PNN: variants seen among roughly 807,000 people sequenced by gnomAD.
PNN encodes the protein pinin.
Under a neutral mutation model 76.6 loss-of-function variants are expected in PNN, and 38 were observed. The ratio of observed to expected loss-of-function variants is 0.50; its 90% CI spans 0.38 to 0.65. PNN has a LOEUF of 0.65. Among genes scored for constraint, PNN ranks in the 30% least tolerant of loss-of-function variants. The pLI is 0.00. For synonymous variants in PNN, 366 were observed against 283.7 expected (o/e 1.29, Z -2.91); for missense variants, 873 against 874.1 (o/e 1.00, Z 0.02).
At chr14:39,176,490 A>G (rs1267027670) in intron 2 of PNN, 37 bp from the exon 3 acceptor site, 3 of 1,420,048 alleles carry the variant, frequency 2.1e-6, no homozygotes, top group Non-Finnish European at 3.0e-6. Flanking sequence ...TTTATCTTGT[A>G]TTTCAAGTGT....
At position 39,177,832 on chromosome 14, in the gene PNN, G is replaced by GT. The variant is rs759396856; in HGVS notation, c.423-7dup. ...TGTTGACAGTAAATTTTCTTATTCT[G>GT]TTCTTTAGGAACCGGCGAATATTTG... On this transcript the variant is annotated splice_polypyrimidine_tract_variant and intron_variant, in intron 5 of 8. Coordinates refer to ENST00000216832, the MANE Select transcript of PNN (RefSeq NM_002687.4). The GT allele has an allele frequency of 1.2e-6, 2 of 1,604,306 alleles. No individual in the cohort carries two copies. The highest frequency in any genetic ancestry group is 3.3e-5 in the Admixed American group (2 of 59,890).
In PNN at chr14:39,181,509, T is replaced by C; in HGVS notation, c.1800T>C (p.Ser600=). ...GTGGAAGTAGTTCCAGCAGTGGAAGTAGTAGCAGTCGCAGTAGTTCCAGTA... is the reference window on the plus strand; with the variant it reads ...GTGGAAGTAGTTCCAGCAGTGGAAGCAGTAGCAGTCGCAGTAGTTCCAGTA... ...SSSGSSSSSG[S]SSSRSSSSSS... is the part of the protein sequence containing the mutation. The change falls in exon 9 of 9, where the codon AGT becomes AGC. Residue 600 remains serine (S), a synonymous_variant. Transcript: ENST00000216832. 1 of 1,600,554 alleles carries C rather than the reference T, an allele frequency of 6.2e-7. No homozygotes were observed. The highest frequency in any genetic ancestry group is 8.5e-7 in the Non-Finnish European group (1 of 1,173,574).
At chr14:39,177,512 A>T in intron 4 of PNN, 28 bp downstream of exon 4, 1 of 1,598,702 alleles carries the variant, frequency 6.3e-7, no homozygotes, top group African/African-American at 1.3e-5. Flanking sequence ...ACTTAAATGA[A>T]TGTAGTACCT....
rs1036543518 is a variant in PNN at position 39,177,324 on chromosome 14, T to A, written c.255-88T>A. The A allele has an allele frequency of 6.8e-6, 7 of 1,028,572 alleles. No homozygotes were observed. In the African/African-American group the frequency reaches 1.1e-4, roughly 16 times the overall value. The allele number at this position is 1,028,572 out of a possible 1,614,324, so 63.7% of individuals were successfully genotyped here. A position where few individuals can be genotyped will look rare whatever the true frequency, so the allele number is the denominator to read the frequency against. On this transcript the variant is annotated intron_variant, in intron 3 of 8. Coordinates refer to ENST00000216832, the MANE Select transcript of PNN (RefSeq NM_002687.4). ...TCACTTGAGCCTGGGAGGTCGAGGC[T>A]GCAGTGAACCGTGGTGGCACCACTG...
At chr14:39,176,179 T>G in intron 2 of PNN, 30 bp downstream of exon 2, 1 of 1,187,198 alleles carries the variant, frequency 8.4e-7, no homozygotes, top group Non-Finnish European at 1.3e-6. Flanking sequence ...TTACTCATGC[T>G]GAAACTACTG....
intron 2 of PNN, 143 bp from the exon 3 acceptor site, chr14:39,176,384 A>G (rs2053224204): frequency 4.4e-6 from 3 of 679,736 alleles, no homozygotes; most frequent in African/African-American, 3.6e-5. Context: ...AAGTAACACT[A>G]TAAAAGCATT....
Position 39,177,439 on chromosome 14 carries a change from A to G in PNN, c.282A>G (p.Arg94=). Residue 94 remains arginine, a synonymous_variant, in exon 4 of 9, where the codon AGA becomes AGG. Coordinates refer to ENST00000216832, the MANE Select transcript of PNN (RefSeq NM_002687.4). ...TGGGCGGGGAGCGTCGGACCAGAAG[A>G]GAATCACGCCAGGAAAGCGACCCGG... ...SRLGGERRTR[R]ESRQESDPED... is the part of the protein sequence containing the mutation. 6.2e-7 allele frequency: 1 copy of G among 1,614,158 alleles called. No homozygotes were observed. Among genetic ancestry groups the G allele is most frequent in the Middle Eastern group, 1.6e-4 (1 of 6,062 alleles).
intron 6 of PNN, among the ~76,000 whole-genome samples, chr14:39,178,724 GAAAA>G (rs61670617): frequency 4.7e-4 from 54 of 114,176 alleles, no homozygotes; most frequent in African/African-American, 9.1e-4. Flanking sequence ...TTTACATAGT[GAAAA>G]AAAAAAAAAA....
rs1344407933 is a variant in PNN, at chr14:39,181,575, C to T, written c.1866C>T (p.Ser622=). 6.2e-7 allele frequency: 1 copy of T among 1,613,320 alleles called. No homozygotes were observed. The highest frequency in any genetic ancestry group is 8.5e-7 in the Non-Finnish European group (1 of 1,179,592). ...STSGSSSRDS[S]SSTSSSSESR... ...GTGGCAGCAGCAGCAGAGATAGTAGCAGTAGCACTAGTAGTAGTAGTGAGA... is the reference window on the plus strand; with the variant it reads ...GTGGCAGCAGCAGCAGAGATAGTAGTAGTAGCACTAGTAGTAGTAGTGAGA... The change falls in exon 9 of 9, where the codon AGC becomes AGT. Residue 622 remains serine, a synonymous_variant. Coordinates refer to ENST00000216832, the MANE Select transcript of PNN (RefSeq NM_002687.4).
intron 4 of PNN, 31 bp from the exon 5 acceptor site, chr14:39,177,562 G>GT: frequency 6.2e-7 from 1 of 1,604,384 alleles, no homozygotes; most frequent in South Asian, 1.1e-5. Flanking sequence ...TCATATGCTA[G>GT]TTAAATTACT....
Position 39,177,900 on chromosome 14 carries a change from C to A in PNN, c.482C>A (p.Thr161Asn). The change falls in exon 6 of 9, where the codon ACT becomes AAT. Residue 161 changes from threonine to asparagine, a missense_variant. By Grantham distance (65) the Thr-to-Asn change is moderately conservative (BLOSUM62 0). Coordinates refer to ENST00000216832, the MANE Select transcript of PNN (RefSeq NM_002687.4). ...GTLQKFKQESTVATERQKRRQ... is the reference protein window; with the variant it reads ...GTLQKFKQESNVATERQKRRQ... ...CTTCAAAAATTTAAACAAGAATCCA[C>A]TGTTGCTACTGAAAGGGTATTTATC... 1 of 1,602,726 alleles carries A rather than the reference C, an allele frequency of 6.2e-7. No individual in the cohort carries two copies. The highest frequency in any genetic ancestry group is 1.1e-5 in the South Asian group (1 of 90,566).
At chr14:39,177,754 C>A in intron 5 of PNN, 67 bp downstream of exon 5, 2 of 1,450,414 alleles carry the variant, frequency 1.4e-6, no homozygotes, top group Non-Finnish European at 1.9e-6. Context: ...AGGGATTGTT[C>A]AAGCATCCTG....
chr14:39,176,445 GT>G, intron 2 of PNN, 81 bp from the exon 3 acceptor site: 1 of 1,093,080 alleles, frequency 9.1e-7, no homozygotes, highest in Non-Finnish European at 1.3e-6. Context: ...ATTTTTGAAA[GT>G]TTAACCATAT....
chr14:39,176,575 C>T lies in PNN; in HGVS notation c.234C>T (p.Asp78=). 6 of 1,606,116 alleles carry T rather than the reference C, an allele frequency of 3.7e-6. No homozygotes were observed. Among genetic ancestry groups the T allele is most frequent in the Non-Finnish European group, 5.1e-6 (6 of 1,176,724 alleles). Residue 78 remains aspartate, a synonymous_variant, in exon 3 of 9, where the codon GAC becomes GAT. Transcript: ENST00000216832. The stretch of plus-strand genomic sequence containing the variant: ...GAGGACCCCCAGCCAAACAGAGAGA[C>T]CTTGAAGGGGCAGTCAGTAGGTAGG... ...SGGGPPAKQR[D]LEGAVSRLGG...
intron 6 of PNN, 86 bp downstream of exon 6, chr14:39,178,002 CTT>C: frequency 1.1e-6 from 1 of 874,224 alleles, no homozygotes; most frequent in Non-Finnish European, 1.9e-6. Context: ...CCTTAAAGCT[CTT>C]TTAAGACCTA....
In PNN at chr14:39,177,627, A is replaced by G. The variant is rs2053238660; in HGVS notation, c.362A>G (p.Lys121Arg). The change falls in exon 5 of 9, where the codon AAA (lysine) becomes AGA (arginine). Residue 121 changes from lysine (K) to arginine (R), a missense_variant. Coordinates refer to ENST00000216832, the MANE Select transcript of PNN (RefSeq NM_002687.4). ...ALQSSVVATS[K>R]ERTRRDLIQD... ...CAGTCTTCAGTTGTAGCTACCTCCAAAGAGCGCACACGTAGAGACCTTATC... is the reference window on the plus strand; with the variant it reads ...CAGTCTTCAGTTGTAGCTACCTCCAGAGAGCGCACACGTAGAGACCTTATC... 5.6e-6 allele frequency: 9 copies of G among 1,614,032 alleles called. No homozygotes were observed. The highest frequency in any genetic ancestry group is 2.2e-5 in the East Asian group (1 of 44,886).
intron 6 of PNN, among the ~76,000 whole-genome samples, chr14:39,178,613 T>C (rs1453635226): frequency 6.6e-6 from 1 of 151,184 alleles, no homozygotes; most frequent in Non-Finnish European, 1.5e-5. Flanking sequence ...GGTTTTATCA[T>C]GTTGCCCAGG....
chr14:39,181,699 C>T lies in PNN; in HGVS notation c.1990C>T (p.His664Tyr), dbSNP rs763644009. 16 of 1,613,948 alleles carry T rather than the reference C, an allele frequency of 9.9e-6. No individual in the cohort carries two copies. Among genetic ancestry groups the T allele is most frequent in the East Asian group, 4.5e-5 (2 of 44,876 alleles). ...GGATACTTCAGGACTAGAAAGAAGT[C>T]ACAAATCTTCAAAAGGTGGTAGTAG... ...RRDTSGLERS[H>Y]KSSKGGSSRD... is the part of the protein sequence containing the mutation. The change falls in exon 9 of 9, where the codon CAC becomes TAC. Residue 664 changes from histidine to tyrosine, a missense_variant. Coordinates refer to ENST00000216832, the MANE Select transcript of PNN (RefSeq NM_002687.4).
In PNN at chr14:39,181,568, A is replaced by T. The variant is rs2053270196; in HGVS notation, c.1859A>T (p.Asp620Val). 1 of 1,612,846 alleles carries T rather than the reference A, an allele frequency of 6.2e-7. No individual in the cohort carries two copies. Among genetic ancestry groups the T allele is most frequent in the African/African-American group, 1.3e-5 (1 of 75,000 alleles). The change falls in exon 9 of 9, where the codon GAT (aspartate) becomes GTT (valine). Residue 620 changes from aspartate (D) to valine (V), a missense_variant. Coordinates refer to ENST00000216832, the MANE Select transcript of PNN (RefSeq NM_002687.4). ...AGTACAAGTGGCAGCAGCAGCAGAG[A>T]TAGTAGCAGTAGCACTAGTAGTAGT... ...SSSTSGSSSR[D>V]SSSSTSSSSE...
Sources: gnomAD v4.1 joint callset for allele counts (sites outside exome capture counted in the v4.1 genomes callset) on GRCh38, gnomAD v4.1.1 for gene constraint, MANE v1.5 for transcripts, NCBI Gene and HGNC (gene_info 2026-07-23, HGNC 2026-07-21) for gene names.